Variants in NAT10 observed in about 807,000 individuals in gnomAD.
The protein encoded by NAT10 is RNA cytidine acetyltransferase.
NAT10 carries 109 observed loss-of-function variants against 132.2 expected under a neutral mutation model. The ratio of observed to expected loss-of-function variants is 0.82; its 90% CI spans 0.71 to 0.97. NAT10 has a LOEUF of 0.97. Among genes scored for constraint, NAT10 ranks in the 50% least tolerant of loss-of-function variants. NAT10 has a pLI of 0.00. For synonymous variants in NAT10, 479 were observed against 478.0 expected (o/e 1.00, Z -0.03); for missense variants, 1,184 against 1,263.4 (o/e 0.94, Z 0.95).
chr11:34,139,299 G>A lies in NAT10; in HGVS notation c.2308+12G>A. On this transcript the variant is annotated intron_variant, in intron 22 of 28. Transcript: ENST00000257829. ...AGCCTTCTGGAAAGGTGACTGAGGA[G>A]TAGGGGTTTGGGGGAGACAATGAGG... The A allele has an allele frequency of 6.2e-7, 1 of 1,613,820 alleles. No individual in the cohort carries two copies. Among genetic ancestry groups the A allele is most frequent in the East Asian group, 2.2e-5 (1 of 44,870 alleles).
Position 34,131,429 on chromosome 11 carries a change from C to T in NAT10, c.1418C>T (p.Pro473Leu). The stretch of plus-strand genomic sequence containing the variant: ...CTCCAGGAGTCAATCCGATACGCCC[C>T]TGGGGATGCAGTGGAGAAGTGGCTG... ...VSLQESIRYA[P>L]GDAVEKWLND... Residue 473 changes from proline to leucine, a missense_variant, in exon 14 of 29, where the codon CCT becomes CTT. Pro to Leu is a moderately conservative substitution (Grantham distance 98). Transcript: ENST00000257829. The T allele has an allele frequency of 1.2e-6, 2 of 1,614,172 alleles. No homozygotes were observed. The highest frequency in any genetic ancestry group is 1.7e-6 in the Non-Finnish European group (2 of 1,180,040).
intron 1 of NAT10, among the ~76,000 whole-genome samples, chr11:34,107,654 A>G (rs77103524): frequency 0.1 from 15,561 of 152,268 alleles, 867 homozygotes; most frequent in African/African-American, 0.15. Context: ...TTGGCCCAGC[A>G]TGGTGGCTCA....
rs199611047 is a variant in NAT10, at chr11:34,133,008, C to T, written c.1618-18C>T. On this transcript the variant is annotated intron_variant, in intron 15 of 28. Coordinates refer to ENST00000257829, the MANE Select transcript of NAT10 (RefSeq NM_024662.3). ...AGAGGAAGAGTGCTTCTCACTGACC[C>T]GTGTTTGGCTTCCACAGAACTCTCC... 2.8e-4 allele frequency: 452 copies of T among 1,596,772 alleles called. 3 individuals carry two copies. The highest frequency in any genetic ancestry group is 1.2e-3 in the Admixed American group (71 of 60,004).
intron 3 of NAT10, among the ~76,000 whole-genome samples, chr11:34,110,402 C>G (rs1243806339): frequency 6.6e-6 from 1 of 151,804 alleles, no homozygotes; most frequent in Non-Finnish European, 1.5e-5. Flanking sequence ...GGCCTGCCTC[C>G]TCCGTGAAAC....
At chr11:34,138,799 T>C in intron 21 of NAT10, 2 of 173,142 alleles carry the variant, frequency 1.2e-5, no homozygotes, top group African/African-American at 2.4e-5. Context: ...GAGTTCCTGC[T>C]GTGAGGCATC....
chr11:34,135,033 T>C, intron 18 of NAT10, 142 bp from the exon 19 acceptor site: 1 of 691,000 alleles, frequency 1.4e-6, no homozygotes, highest in Non-Finnish European at 2.6e-6. Context: ...TTGACCTCAC[T>C]CAGGGTTTTC....
At position 34,118,382 on chromosome 11, in the gene NAT10, CCT is replaced by C; in HGVS notation, c.673-7_673-6del. ...TGACAGTGACAGACCTTCCCCTTCT[CCT>C]CTCTCTGGTAGGATGAGAGTCTTGG... On this transcript the variant is annotated splice_polypyrimidine_tract_variant and intron_variant, in intron 7 of 28. Coordinates refer to ENST00000257829, the MANE Select transcript of NAT10 (RefSeq NM_024662.3). 1 of 1,613,034 alleles carries C rather than the reference CCT, an allele frequency of 6.2e-7. No homozygotes were observed. Among genetic ancestry groups the C allele is most frequent in the South Asian group, 1.1e-5 (1 of 90,984 alleles).
At chr11:34,126,425 A>G (rs1851995402) in intron 11 of NAT10, among the ~76,000 whole-genome samples, 2 of 152,364 alleles carry the variant, frequency 1.3e-5, no homozygotes, top group East Asian at 3.9e-4. Flanking sequence ...AGATCTATGC[A>G]GATTAAAGCT....
intron 21 of NAT10, 85 bp downstream of exon 21, chr11:34,137,111 C>A: frequency 7.0e-7 from 1 of 1,427,440 alleles, no homozygotes; most frequent in South Asian, 1.2e-5. Context: ...GCCCTAGTGC[C>A]TCCCTGCTGC....
intron 6 of NAT10, among the ~76,000 whole-genome samples, chr11:34,117,763 C>G (rs1362949844): frequency 6.6e-6 from 1 of 151,974 alleles, no homozygotes; most frequent in Non-Finnish European, 1.5e-5. Flanking sequence ...TTCCTAGTGA[C>G]AAAAGATGAA....
At chr11:34,139,884 A>G (rs1235855009) in intron 23 of NAT10, among the ~76,000 whole-genome samples, 8 of 152,232 alleles carry the variant, frequency 5.3e-5, no homozygotes, top group Admixed American at 5.2e-4. Context: ...TGCTTTGTGC[A>G]TACAGATTGT....
At chr11:34,110,138 C>T (rs932768406) in intron 3 of NAT10, among the ~76,000 whole-genome samples, 3 of 152,214 alleles carry the variant, frequency 2.0e-5, no homozygotes, top group Admixed American at 1.3e-4. Flanking sequence ...ACTCAGACCA[C>T]CTTCCGGAGC....
At chr11:34,119,283 C>G (rs1214299225) in intron 8 of NAT10, among the ~76,000 whole-genome samples, 3 of 152,210 alleles carry the variant, frequency 2.0e-5, no homozygotes, top group African/African-American at 7.2e-5. Context: ...CAGGTGTGTT[C>G]AGGGTTCTAG....
At chr11:34,109,201 G>A (rs974175225) in intron 3 of NAT10, among the ~76,000 whole-genome samples, 1 of 151,812 alleles carries the variant, frequency 6.6e-6, no homozygotes, top group African/African-American at 2.4e-5. Context: ...CTCATCCCAT[G>A]TCCAAGGAAA....
In NAT10 at chr11:34,115,858, G is replaced by T; in HGVS notation, c.531G>T (p.Gln177His). 4.3e-6 allele frequency: 7 copies of T among 1,614,118 alleles called. No individual in the cohort carries two copies. Among genetic ancestry groups the T allele is most frequent in the Non-Finnish European group, 5.9e-6 (7 of 1,179,998 alleles). ...CCAGGTACAGAACTGAGGCCCATCA[G>T]GATGTGGTGGGAAGATTTAATGAAA... ...VHSRYRTEAH[Q>H]DVVGRFNERF... The change falls in exon 6 of 29, where the codon CAG (glutamine) becomes CAT (histidine). Residue 177 changes from glutamine (Q) to histidine (H), a missense_variant. Coordinates refer to ENST00000257829, the MANE Select transcript of NAT10 (RefSeq NM_024662.3).
chr11:34,128,126 C>G (rs1184028419), intron 12 of NAT10, among the ~76,000 whole-genome samples: 1 of 152,046 alleles, frequency 6.6e-6, no homozygotes, highest in Non-Finnish European at 1.5e-5. Context: ...GAGGCCGAGG[C>G]AGGCGGATCA....
chr11:34,139,258 A>G lies in NAT10; in HGVS notation c.2279A>G (p.Gln760Arg), dbSNP rs1361650178. The change falls in exon 22 of 29, where the codon CAG (glutamine) becomes CGG (arginine). Residue 760 changes from glutamine (Q) to arginine (R), a missense_variant. By Grantham distance (43) the Gln-to-Arg change is conservative. Coordinates refer to ENST00000257829, the MANE Select transcript of NAT10 (RefSeq NM_024662.3). The stretch of plus-strand genomic sequence containing the variant: ...CTCACTGATGAGGATGAGGCTGACC[A>G]GGGAGGCTGGCTTGCAGCCTTCTGG... ...KTLTDEDEAD[Q>R]GGWLAAFWKD... 1 of 1,613,808 alleles carries G rather than the reference A, an allele frequency of 6.2e-7. No homozygotes were observed. The highest frequency in any genetic ancestry group is 2.2e-5 in the East Asian group (1 of 44,854).
At chr11:34,123,620 A>C in intron 9 of NAT10, 142 bp from the exon 10 acceptor site, 1 of 594,174 alleles carries the variant, frequency 1.7e-6, no homozygotes, top group Non-Finnish European at 2.9e-6. Flanking sequence ...TCCTTCCCAA[A>C]AGGTGTCCTG....
rs953538948 is a variant in NAT10, at chr11:34,112,167, T to C, written c.316T>C (p.Tyr106His). The C allele has an allele frequency of 6.2e-7, 1 of 1,614,230 alleles. No individual in the cohort carries two copies. Among genetic ancestry groups the C allele is most frequent in the Middle Eastern group, 1.6e-4 (1 of 6,062 alleles). Residue 106 changes from tyrosine (Y) to histidine (H), a missense_variant, in exon 4 of 29, where the codon TAC (tyrosine) becomes CAC (histidine). Transcript: ENST00000257829. ...AGCAGCCACAAACATTCGCTACTGC[T>C]ACTACAACGAGACCCACAAGATCCT... ...FIAATNIRYC[Y>H]YNETHKILGN...
Sources: gnomAD v4.1 joint callset for allele counts (sites outside exome capture counted in the v4.1 genomes callset) on GRCh38, gnomAD v4.1.1 for gene constraint, MANE v1.5 for transcripts, NCBI Gene and HGNC (gene_info 2026-07-23, HGNC 2026-07-21) for gene names.